The following PIK3C2G variants were observed in gnomAD, a reference collection of about 807,000 sequenced individuals.
The protein encoded by PIK3C2G is phosphatidylinositol 3-kinase C2 domain-containing subunit gamma.
Under a neutral mutation model 181.1 loss-of-function variants are expected in PIK3C2G, and 168 were observed. That is an observed-to-expected ratio of 0.93 (90% CI 0.82 to 1.05). The LOEUF (loss-of-function observed/expected upper bound fraction) is 1.05. Among genes scored for constraint, PIK3C2G ranks in the 50% least tolerant of loss-of-function variants. PIK3C2G has a pLI of 0.00. For missense variants in PIK3C2G, 1,869 were observed against 1,732.8 expected, an observed-to-expected ratio of 1.08 and a Z score of -1.40; for synonymous variants, 573 against 592.2, an observed-to-expected ratio of 0.97 and a Z score of 0.47.
intron 24 of PIK3C2G, among the ~76,000 whole-genome samples, chr12:18,521,618 G>C (rs181051458): frequency 1.3e-5 from 2 of 149,608 alleles, no homozygotes; most frequent in East Asian, 1.9e-4. Context: ...CAGGAGGGGT[G>C]GGGGGTTAGG....
rs149142582 is a variant in PIK3C2G at position 18,626,267 on chromosome 12, A to T, written c.4183-14162A>T. Among the ~76,000 whole-genome samples the T allele has an allele frequency of 1.2e-4, 18 of 152,068 alleles. No homozygotes were observed. In the South Asian group the frequency reaches 1.2e-3, roughly 10 times the overall value. Reference sequence around the variant, plus strand: ...CGCTTACAACAGTCTATTTCAAGCCAATAACAATGTAACTTTCATTGCATA... The same window carrying T: ...CGCTTACAACAGTCTATTTCAAGCCTATAACAATGTAACTTTCATTGCATA... On this transcript the variant is annotated intron_variant, in intron 31 of 32. Coordinates refer to ENST00000538779, the MANE Select transcript of PIK3C2G (RefSeq NM_001288772.2).
chr12:18,689,845 GCT>G, the PIK3C2G span, among the ~76,000 whole-genome samples: 4 of 152,198 alleles, frequency 2.6e-5, no homozygotes, highest in African/African-American at 7.2e-5. Flanking sequence ...GTAAAACTTG[GCT>G]CTCTGATTCC....
At chr12:18,299,839 T>C (rs575123989) in intron 5 of PIK3C2G, among the ~76,000 whole-genome samples, 2 of 152,012 alleles carry the variant, frequency 1.3e-5, no homozygotes, top group Non-Finnish European at 2.9e-5. Context: ...TCATGCATAT[T>C]GATTTGCATA....
intron 18 of PIK3C2G, among the ~76,000 whole-genome samples, chr12:18,452,857 C>G (rs929715826): frequency 6.6e-6 from 1 of 152,132 alleles, no homozygotes; most frequent in Non-Finnish European, 1.5e-5. Context: ...TGTTCAGTTT[C>G]CATGTAGTTG....
chr12:18,557,413 T>C (rs1305220863), intron 26 of PIK3C2G, among the ~76,000 whole-genome samples: 1 of 151,968 alleles, frequency 6.6e-6, no homozygotes, highest in African/African-American at 2.4e-5. Context: ...AGAAAATATA[T>C]GATCACCTAA....
chr12:18,430,870 A>G (rs983025739), intron 18 of PIK3C2G, among the ~76,000 whole-genome samples: 1 of 152,200 alleles, frequency 6.6e-6, no homozygotes, highest in Non-Finnish European at 1.5e-5. Context: ...TGTCTCTGGT[A>G]CAGGGTATTA....
intron 15 of PIK3C2G, among the ~76,000 whole-genome samples, chr12:18,399,121 G>A (rs1440871776): frequency 6.7e-6 from 1 of 148,158 alleles, no homozygotes; most frequent in Non-Finnish European, 1.5e-5. Context: ...CGTGAACCCG[G>A]GAGGCGGAGC....
upstream of PIK3C2G, among the ~76,000 whole-genome samples, chr12:18,247,058 C>T (rs1398783863): frequency 6.6e-6 from 1 of 152,116 alleles, no homozygotes; most frequent in African/African-American, 2.4e-5. Flanking sequence ...AAATTTTTCT[C>T]ACTGCAAGAC....
At chr12:18,714,556 G>C in the PIK3C2G span, 1 of 152,082 alleles carries the variant, frequency 6.6e-6, no homozygotes, top group African/African-American at 2.4e-5. Flanking sequence ...GAAACACCGG[G>C]ATCTTAGAAT....
chr12:18,687,815 A>G, the PIK3C2G span, among the ~76,000 whole-genome samples: 1 of 152,090 alleles, frequency 6.6e-6, no homozygotes, highest in Non-Finnish European at 1.5e-5. Context: ...ATTCGGTGAT[A>G]TGAGAGAAAA....
chr12:18,506,736 TAA>T (rs1320490105), intron 24 of PIK3C2G, among the ~76,000 whole-genome samples: 1 of 152,192 alleles, frequency 6.6e-6, no homozygotes, highest in Admixed American at 6.5e-5. Context: ...AGTTGAACAC[TAA>T]AAGTCTTTAA....
chr12:18,528,239 T>G (rs1332495665), intron 24 of PIK3C2G, among the ~76,000 whole-genome samples: 1 of 152,184 alleles, frequency 6.6e-6, no homozygotes, highest in African/African-American at 2.4e-5. Context: ...AAATGTGCTC[T>G]CTGAAATGTA....
chr12:18,650,702 GTGTATATATCTATATATATA>G (rs1950443852), downstream of PIK3C2G, among the ~76,000 whole-genome samples: 34 of 27,692 alleles, frequency 1.2e-3, no homozygotes, highest in Admixed American at 2.8e-3. Flanking sequence ...GTGTGTGTGT[GTGTATATATCTATATATATA>G]TATATATATA....
chr12:18,566,787 C>A (rs1945659957), intron 28 of PIK3C2G, among the ~76,000 whole-genome samples, 162 bp from the exon 29 acceptor site: 1 of 151,928 alleles, frequency 6.6e-6, no homozygotes, highest in African/African-American at 2.4e-5. Context: ...ATGACCACAG[C>A]CATATTAATA....
the PIK3C2G span, chr12:18,684,340 T>A: frequency 3.5e-3 from 5,275 of 1,490,026 alleles, 29 homozygotes; most frequent in Non-Finnish European, 3.3e-3. Context: ...AAAAAATAGA[T>A]TACATTTGTT....
chr12:18,384,084 C>T (rs908385576), intron 14 of PIK3C2G, among the ~76,000 whole-genome samples: 20 of 151,272 alleles, frequency 1.3e-4, no homozygotes, highest in African/African-American at 4.4e-4. Context: ...AGCATCCCAA[C>T]GAGCTGGGAT....
At chr12:18,383,744 G>A (rs1413831985) in intron 14 of PIK3C2G, among the ~76,000 whole-genome samples, 3 of 151,878 alleles carry the variant, frequency 2.0e-5, no homozygotes, top group African/African-American at 7.2e-5. Flanking sequence ...CAGCAATGTT[G>A]TAGAAAATGC....
chr12:18,419,867 C>T (rs543193393), intron 16 of PIK3C2G, among the ~76,000 whole-genome samples: 7 of 152,166 alleles, frequency 4.6e-5, no homozygotes, highest in African/African-American at 7.2e-5. Flanking sequence ...GACTCGATGG[C>T]GGCATAGTTC....
chr12:18,591,290 A>G (rs1592662984), intron 29 of PIK3C2G, among the ~76,000 whole-genome samples: 1 of 152,058 alleles, frequency 6.6e-6, no homozygotes, highest in East Asian at 1.9e-4. Flanking sequence ...TGCTGTGCAG[A>G]TAAGAATACC....
Sources: allele counts gnomAD v4.1 joint callset (sites outside exome capture counted in the v4.1 genomes callset), GRCh38; gene constraint gnomAD v4.1.1; transcripts MANE v1.5; gene names NCBI Gene and HGNC (gene_info 2026-07-23, HGNC 2026-07-21).